PCLO: variants seen among roughly 807,000 people sequenced by gnomAD.
The protein encoded by PCLO is piccolo presynaptic cytomatrix protein, also known as protein piccolo.
PCLO carries 82 observed loss-of-function variants against 427.5 expected under a neutral mutation model. The ratio of observed to expected loss-of-function variants is 0.19; its 90% CI spans 0.16 to 0.23. PCLO has a LOEUF of 0.23. Ranked by LOEUF, PCLO falls within the 10% of genes least tolerant of loss-of-function variation. The probability of loss-of-function intolerance (pLI) is 1.00; values close to 1 mark genes in which losing one functional copy is unlikely to be tolerated. For synonymous variants in PCLO, 2,357 were observed against 2,155.4 expected (o/e 1.09, Z -2.59); for missense variants, 6,239 against 6,115.9 (o/e 1.02, Z -0.67).
At chr7:82,961,410 A>T (rs961893657) in intron 4 of PCLO, among the ~76,000 whole-genome samples, 2 of 152,112 alleles carry the variant, frequency 1.3e-5, no homozygotes, top group African/African-American at 4.8e-5. Flanking sequence ...TTTTTCTTTA[A>T]TTTCTCCCCA....
Position 82,915,487 on chromosome 7 carries a change from T to G in PCLO, c.12499A>C (p.Ser4167Arg). Reference protein sequence around the residue: ...HFPKSEKYSISRLTLEKQAAK... With the variant: ...HFPKSEKYSIRRLTLEKQAAK... ...GCTTGTTTTTCAAGTGTGAGTCTAC[T>G]GATGCTATACTTCTCAGATTTTGGA... The change falls in exon 7 of 25, where the codon AGT becomes CGT. Residue 4167 changes from serine to arginine, a missense_variant. By Grantham distance (110) the Ser-to-Arg change is moderately radical. Coordinates refer to ENST00000333891, the MANE Select transcript of PCLO (RefSeq NM_033026.6). 1 of 1,613,700 alleles carries G rather than the reference T, an allele frequency of 6.2e-7. No homozygotes were observed. The highest frequency in any genetic ancestry group is 8.5e-7 in the Non-Finnish European group (1 of 1,179,674).
At chr7:82,808,105 A>G (rs982929425) in intron 20 of PCLO, among the ~76,000 whole-genome samples, 2 of 151,980 alleles carry the variant, frequency 1.3e-5, no homozygotes, top group Admixed American at 1.3e-4. Context: ...TAAACAAAAG[A>G]AAGCTGTCAT....
intron 22 of PCLO, among the ~76,000 whole-genome samples, chr7:82,784,448 AT>A (rs909923677): frequency 2.0e-5 from 3 of 151,736 alleles, no homozygotes; most frequent in Non-Finnish European, 2.9e-5. Context: ...TATTTCCAAG[AT>A]TTTTTTTCTT....
chr7:82,954,182 A>G lies in PCLO; in HGVS notation c.6771T>C (p.Ala2257=). The change falls in exon 5 of 25, where the codon GCT becomes GCC. Residue 2257 remains alanine, a synonymous_variant. Coordinates refer to ENST00000333891, the MANE Select transcript of PCLO (RefSeq NM_033026.6). ...AGGAAATAACAATATGATCAGCACTAGCTCTACCATCTGGTGGGGCAGTCC... is the reference window on the plus strand; with the variant it reads ...AGGAAATAACAATATGATCAGCACTGGCTCTACCATCTGGTGGGGCAGTCC... The part of the protein sequence containing the change: ...LDRTAPPDGR[A]SADHIVISLS... The G allele has an allele frequency of 6.2e-7, 1 of 1,613,606 alleles. No individual in the cohort carries two copies. Among genetic ancestry groups the G allele is most frequent in the Non-Finnish European group, 8.5e-7 (1 of 1,179,590 alleles).
At chr7:83,093,492 A>ATATATATATATTTTTTTTTTTTT in intron 3 of PCLO, among the ~76,000 whole-genome samples, 1 of 59,316 alleles carries the variant, frequency 1.7e-5, no homozygotes, top group Non-Finnish European at 3.3e-5. Flanking sequence ...ATATATATAT[A>ATATATATATATTTTTTTTTTTTT]TTTTTTTTTT....
Position 82,826,656 on chromosome 7 carries a change from T to G in PCLO, c.14348A>C (p.Lys4783Thr). 6.3e-7 allele frequency: 1 copy of G among 1,593,352 alleles called. No homozygotes were observed. The highest frequency in any genetic ancestry group is 1.1e-5 in the South Asian group (1 of 89,318). ...AACTGTCACCTCCAGTGTTTTCTTC[T>G]TGAGCTATATAGTTCAAATAGAAAT... Reference protein sequence around the residue: ...IYKSISMEQLKKKTLEVTVWD... With the variant: ...IYKSISMEQLTKKTLEVTVWD... The change falls in exon 18 of 25, where the codon AAG becomes ACG. Residue 4783 changes from lysine (K) to threonine (T), a missense_variant. By Grantham distance (78) the Lys-to-Thr change is moderately conservative. This residue lies in a region of PCLO where 877 missense variants were observed against 925.5 expected (regional missense o/e 0.95). Coordinates refer to ENST00000333891, the MANE Select transcript of PCLO (RefSeq NM_033026.6).
rs567324475 is a variant in PCLO, at chr7:82,805,719, C to T, written c.14902G>A (p.Gly4968Arg). 1 of 1,612,940 alleles carries T rather than the reference C, an allele frequency of 6.2e-7. No homozygotes were observed. Among genetic ancestry groups the T allele is most frequent in the African/African-American group, 1.3e-5 (1 of 75,016 alleles). Residue 4968 changes from glycine to arginine, a missense_variant, in exon 21 of 25, where the codon GGG (glycine) becomes AGG (arginine). Physicochemically the swap from Gly to Arg is moderately radical, Grantham distance 125. Transcript: ENST00000333891. ...GGAATAGGAAATAGATTAGTCTCCC[C>T]TGCAGTGCTGCTGCTTCCTTCACTG... The part of the protein sequence containing the change: ...VDSEGSSSTA[G>R]ETNLFPIPRI...
chr7:82,765,080 T>C (rs1159556862), intron 22 of PCLO, among the ~76,000 whole-genome samples: 2 of 151,898 alleles, frequency 1.3e-5, no homozygotes, highest in Admixed American at 6.6e-5. Context: ...AATTATGTGA[T>C]AATACACTCA....
intron 6 of PCLO, among the ~76,000 whole-genome samples, chr7:82,941,532 A>C (rs546046967): frequency 1.3e-5 from 2 of 152,204 alleles, no homozygotes; most frequent in African/African-American, 2.4e-5. Context: ...TCATCTTTAA[A>C]ATATGAAATA....
At chr7:82,803,636 C>T (rs1167486570) in intron 21 of PCLO, among the ~76,000 whole-genome samples, 5 of 151,896 alleles carry the variant, frequency 3.3e-5, no homozygotes, top group African/African-American at 9.7e-5. Flanking sequence ...TCTCTGAATT[C>T]CCAATGACTA....
At chr7:83,060,286 T>C (rs747716713) in intron 3 of PCLO, among the ~76,000 whole-genome samples, 6 of 152,170 alleles carry the variant, frequency 3.9e-5, no homozygotes, top group Non-Finnish European at 7.3e-5. Flanking sequence ...ATCAGGATGT[T>C]ACTCCTGCTT....
chr7:83,124,706 TGCTCTC>T (rs1326849802), intron 3 of PCLO, among the ~76,000 whole-genome samples: 1 of 152,094 alleles, frequency 6.6e-6, no homozygotes, highest in Non-Finnish European at 1.5e-5. Context: ...AAGACATATA[TGCTCTC>T]CCTCTCCCTC....
intron 6 of PCLO, among the ~76,000 whole-genome samples, chr7:82,924,860 A>T (rs933256591): frequency 2.0e-5 from 3 of 152,146 alleles, no homozygotes; most frequent in African/African-American, 7.2e-5. Context: ...AAGTTAAAAA[A>T]TAGATGGAAA....
rs569565480 is a variant in PCLO, at chr7:82,883,451, A to T, written c.13529-3989T>A. ...AGTTATTTCCCTTTTTGTCCTATCAAATGAAACAGTTTGTTCATTAATTCT... is the reference window on the plus strand; with the variant it reads ...AGTTATTTCCCTTTTTGTCCTATCATATGAAACAGTTTGTTCATTAATTCT... On this transcript the variant is annotated intron_variant, in intron 9 of 24. Transcript: ENST00000333891. 1.1e-4 allele frequency among the ~76,000 whole-genome samples: 16 copies of T among 152,280 alleles called. No homozygotes were observed. The South Asian group carries it at 3.3e-3, about 32-fold the overall frequency.
intron 3 of PCLO, among the ~76,000 whole-genome samples, chr7:83,092,356 G>A (rs1291190420): frequency 6.6e-6 from 1 of 151,274 alleles, no homozygotes; most frequent in African/African-American, 2.4e-5. Context: ...ATATAGCCCA[G>A]AATTGACAAC....
At chr7:83,087,835 A>T (rs1028943308) in intron 3 of PCLO, among the ~76,000 whole-genome samples, 7 of 152,172 alleles carry the variant, frequency 4.6e-5, no homozygotes, top group African/African-American at 1.4e-4. Context: ...TTTTGACATA[A>T]TTCATAGCTA....
intron 13 of PCLO, among the ~76,000 whole-genome samples, chr7:82,843,043 TC>T (rs1792406684): frequency 6.6e-6 from 1 of 152,108 alleles, no homozygotes. Flanking sequence ...TCCAGCAATC[TC>T]ACTGCTGAGC....
At chr7:82,868,604 G>A (rs755630868) in intron 10 of PCLO, among the ~76,000 whole-genome samples, 5 of 152,142 alleles carry the variant, frequency 3.3e-5, no homozygotes, top group Admixed American at 2.0e-4. Flanking sequence ...GAATACCTAT[G>A]GACAAACAAT....
Position 82,950,797 on chromosome 7 carries a change from T to C in PCLO, c.9791A>G (p.Lys3264Arg), listed in dbSNP as rs1795322770. ...TTCTTGCTGAAAGAGAAGGTGTTGC[T>C]TCATAGACTGCAGCTCCTCCAACTT... ...QKKLEELQSM[K>R]QHLLFQQEEE... The change falls in exon 6 of 25, where the codon AAG becomes AGG. Residue 3264 changes from lysine (K) to arginine (R), a missense_variant. Around this residue, in one of 5 missense-constraint regions of PCLO, gnomAD observed 4,677 missense variants for 4,468.4 expected, o/e 1.05. Coordinates refer to ENST00000333891, the MANE Select transcript of PCLO (RefSeq NM_033026.6). The C allele has an allele frequency of 6.2e-7, 1 of 1,613,772 alleles. No individual in the cohort carries two copies. The highest frequency in any genetic ancestry group is 8.5e-7 in the Non-Finnish European group (1 of 1,179,848).
Sources: allele counts gnomAD v4.1 joint callset (sites outside exome capture counted in the v4.1 genomes callset), GRCh38; gene constraint gnomAD v4.1.1; regional missense constraint gnomAD v4.1.1; transcripts MANE v1.5; gene names NCBI Gene and HGNC (gene_info 2026-07-23, HGNC 2026-07-21).